The following RBFOX2 variants were observed in gnomAD, a reference collection of about 807,000 sequenced individuals.
The protein encoded by RBFOX2 is RNA binding fox-1 homolog 2.
In RBFOX2, 10 loss-of-function variants were observed where a neutral mutation model predicts 49.1. The ratio of observed to expected loss-of-function variants is 0.20; its 90% CI spans 0.13 to 0.35. RBFOX2 has a LOEUF of 0.35. RBFOX2 is among the 10% of genes least tolerant of loss of function. The pLI is 1.00. For missense variants in RBFOX2, 323 were observed against 486.9 expected (o/e 0.66, Z 3.17); for synonymous variants, 183 against 187.4 (o/e 0.98, Z 0.19).
At chr22:35,818,612 T>A (rs1953715411) in intron 1 of RBFOX2, among the ~76,000 whole-genome samples, 1 of 151,994 alleles carries the variant, frequency 6.6e-6, no homozygotes, top group Non-Finnish European at 1.5e-5. Flanking sequence ...AGCGAGACCC[T>A]ATCTCTACAA....
chr22:35,954,176 G>C (rs983220864), intron 1 of RBFOX2, among the ~76,000 whole-genome samples: 8 of 151,956 alleles, frequency 5.3e-5, no homozygotes, highest in African/African-American at 1.9e-4. Context: ...CTTTGTGGGG[G>C]GAGGAGGTTT....
At chr22:35,941,805 G>A (rs1455188738), upstream of RBFOX2, among the ~76,000 whole-genome samples, 1 of 152,188 alleles carries the variant, frequency 6.6e-6, no homozygotes, top group Non-Finnish European at 1.5e-5. Context: ...GGTCATAACA[G>A]GTTGCACAGA....
exon 2 of RBFOX2, chr22:35,809,855 C>G: frequency 6.2e-7 from 1 of 1,614,048 alleles, no homozygotes. Context: ...CGTAGAGTGT[C>G]AGGTTATGCT....
At chr22:35,933,007 G>C (rs2052608574) in intron 1 of RBFOX2, among the ~76,000 whole-genome samples, 1 of 152,160 alleles carries the variant, frequency 6.6e-6, no homozygotes, top group Non-Finnish European at 1.5e-5. Flanking sequence ...GTCATATGAA[G>C]ACTTCATGCT....
intron 6 of RBFOX2, among the ~76,000 whole-genome samples, chr22:35,762,403 T>C (rs2146379227): frequency 6.6e-6 from 1 of 152,180 alleles, no homozygotes; most frequent in South Asian, 2.1e-4. Flanking sequence ...ATATTATATA[T>C]TTTCTGACTC....
At chr22:35,898,467 C>A (rs1004423887) in intron 1 of RBFOX2, 3 of 412,208 alleles carry the variant, frequency 7.3e-6, no homozygotes, top group South Asian at 7.0e-5. Flanking sequence ...ACTCTGTAGC[C>A]CAGGCTGCAG....
At chr22:35,779,837 A>G (rs1732266615) in intron 3 of RBFOX2, among the ~76,000 whole-genome samples, 1 of 152,224 alleles carries the variant, frequency 6.6e-6, no homozygotes, top group South Asian at 2.1e-4. Context: ...TTTCTTTTGC[A>G]CTTTATGCCT....
chr22:35,823,058 T>C (rs1017585770), intron 1 of RBFOX2, among the ~76,000 whole-genome samples: 2 of 152,084 alleles, frequency 1.3e-5, no homozygotes, highest in Non-Finnish European at 2.9e-5. Context: ...TGACCTCAGG[T>C]GATCCGCCCG....
intron 6 of RBFOX2, among the ~76,000 whole-genome samples, chr22:35,762,502 T>TA (rs1568974713): frequency 1.4e-5 from 2 of 146,196 alleles, no homozygotes; most frequent in Non-Finnish European, 3.0e-5. Context: ...ATTGGCCTCC[T>TA]CTTTTTTTTT....
chr22:35,916,181 C>A (rs542197811), intron 1 of RBFOX2, among the ~76,000 whole-genome samples: 5 of 152,202 alleles, frequency 3.3e-5, no homozygotes, highest in Non-Finnish European at 7.3e-5. Context: ...GCCTGTTCTA[C>A]CACTTTCCAG....
intron 1 of RBFOX2, among the ~76,000 whole-genome samples, chr22:35,887,550 A>C (rs1424922013): frequency 1.3e-5 from 2 of 152,158 alleles, no homozygotes; most frequent in Non-Finnish European, 2.9e-5. Flanking sequence ...AGCAGGGGCA[A>C]GCATCGGCCT....
intron 1 of RBFOX2, among the ~76,000 whole-genome samples, chr22:35,896,655 C>T (rs2047883061): frequency 6.6e-6 from 1 of 152,208 alleles, no homozygotes; most frequent in South Asian, 2.1e-4. Flanking sequence ...ACACTGAACG[C>T]ATGCTTTCCG....
intron 1 of RBFOX2, among the ~76,000 whole-genome samples, chr22:35,948,186 G>C (rs140719678): frequency 6.6e-6 from 1 of 152,134 alleles, no homozygotes; most frequent in African/African-American, 2.4e-5. Context: ...ATGCTGTACA[G>C]ATGTGCAGCC....
At chr22:35,865,599 A>C (rs182410769) in intron 1 of RBFOX2, among the ~76,000 whole-genome samples, 7 of 150,844 alleles carry the variant, frequency 4.6e-5, no homozygotes, top group Admixed American at 3.3e-4. Context: ...AGAGGGATTC[A>C]CTTTGATAGA....
intron 1 of RBFOX2, chr22:35,997,576 A>C (rs2058243169): frequency 6.6e-6 from 1 of 152,248 alleles, no homozygotes; most frequent in Non-Finnish European, 1.5e-5. Context: ...CTAATTGCCA[A>C]AGAGAGCCAC....
At chr22:35,898,358 G>A in intron 1 of RBFOX2, 1 of 644,274 alleles carries the variant, frequency 1.6e-6, no homozygotes, top group Non-Finnish European at 2.9e-6. Context: ...GGCAGAATGT[G>A]ACATTGGCAG....
chr22:35,808,774 A>G (rs560012533), intron 2 of RBFOX2, among the ~76,000 whole-genome samples: 6 of 152,276 alleles, frequency 3.9e-5, no homozygotes, highest in African/African-American at 1.4e-4. Flanking sequence ...ACTTGAGCCC[A>G]GGAGACTGAG....
At chr22:35,798,668 T>C (rs1374599307) in intron 2 of RBFOX2, among the ~76,000 whole-genome samples, 1 of 152,218 alleles carries the variant, frequency 6.6e-6, no homozygotes, top group Non-Finnish European at 1.5e-5. Flanking sequence ...TTGTTGTTAC[T>C]ATTAAGTAGT....
chr22:35,905,570 T>G lies in RBFOX2; in HGVS notation c.-34+33277A>C. On this transcript the variant is annotated intron_variant, in intron 1 of 13. Transcript: ENST00000359369. ...GGAAAATCCTCTCAGCTGGTTAGGATACTCAGCCATGAAGAAGAGAAATAT... is the reference window on the plus strand; with the variant it reads ...GGAAAATCCTCTCAGCTGGTTAGGAGACTCAGCCATGAAGAAGAGAAATAT... 2.0e-5 allele frequency among the ~76,000 whole-genome samples: 3 copies of G among 152,206 alleles called. 1 individual carries two copies. Among genetic ancestry groups the G allele is most frequent in the Non-Finnish European group, 4.4e-5 (3 of 68,020 alleles).
Sources: allele counts gnomAD v4.1 joint callset (sites outside exome capture counted in the v4.1 genomes callset), GRCh38; gene constraint gnomAD v4.1.1; transcripts MANE v1.5; gene names NCBI Gene and HGNC (gene_info 2026-07-23, HGNC 2026-07-21).